TMEM200A: variants seen among roughly 807,000 people sequenced by gnomAD.
The protein encoded by TMEM200A is transmembrane protein 200A.
In TMEM200A, 12 loss-of-function variants were observed where a neutral mutation model predicts 24.3. That is an observed-to-expected ratio of 0.49 (90% CI 0.32 to 0.80). The LOEUF (loss-of-function observed/expected upper bound fraction) is 0.80, where lower values mean the gene tolerates loss of function less well. Ranked by LOEUF, TMEM200A falls within the 30% of genes least tolerant of loss-of-function variation. TMEM200A has a pLI of 0.04. For missense variants in TMEM200A, 545 were observed against 614.4 expected (o/e 0.89, Z 1.19); for synonymous variants, 224 against 224.4 (o/e 1.00, Z 0.02).
chr6:130,372,777 G>C (rs1034288175), intron 1 of TMEM200A, among the ~76,000 whole-genome samples: 4 of 152,178 alleles, frequency 2.6e-5, no homozygotes, highest in Non-Finnish European at 4.4e-5. Context: ...GTGTATGTAT[G>C]TACAACAAGA....
At chr6:130,425,440 C>A (rs558596103) in intron 2 of TMEM200A, among the ~76,000 whole-genome samples, 78 of 152,134 alleles carry the variant, frequency 5.1e-4, no homozygotes, top group African/African-American at 1.5e-3. Context: ...TACTTGATTT[C>A]ATTATCTTAT....
At chr6:130,402,376 C>T (rs1779110391) in intron 2 of TMEM200A, among the ~76,000 whole-genome samples, 1 of 152,004 alleles carries the variant, frequency 6.6e-6, no homozygotes, top group African/African-American at 2.4e-5. Context: ...GGTTGACACT[C>T]AGTAGATCTA....
At chr6:130,369,908 G>C (rs1271891203) in intron 1 of TMEM200A, among the ~76,000 whole-genome samples, 2 of 152,196 alleles carry the variant, frequency 1.3e-5, no homozygotes, top group Non-Finnish European at 2.9e-5. Context: ...CCACCCAACT[G>C]TGTGTTCACC....
At chr6:130,391,126 C>G (rs1022233791) in intron 2 of TMEM200A, among the ~76,000 whole-genome samples, 2 of 152,152 alleles carry the variant, frequency 1.3e-5, no homozygotes, top group Non-Finnish European at 2.9e-5. Context: ...TCTCACCAGA[C>G]TGCCAGCCCC....
rs897002389 is a variant in TMEM200A, at chr6:130,391,929, G to A, written c.-17+6693G>A. 5.3e-4 allele frequency among the ~76,000 whole-genome samples: 81 copies of A among 151,806 alleles called. 2 individuals are homozygous for A. The highest frequency in any genetic ancestry group is 1.3e-4 in the Non-Finnish European group (9 of 67,920). On this transcript the variant is annotated intron_variant, in intron 2 of 2. Transcript: ENST00000296978. ...GGCTAATTTTTTGTATTTTTTAGTA[G>A]AGACAAAGTTTCACCGCGTTAGCCA...
At chr6:130,431,310 A>ATG (rs1779869291) in intron 2 of TMEM200A, among the ~76,000 whole-genome samples, 1 of 152,206 alleles carries the variant, frequency 6.6e-6, no homozygotes, top group Non-Finnish European at 1.5e-5. Context: ...AAGTTACTAT[A>ATG]TGTTTTCCAG....
intron 2 of TMEM200A, among the ~76,000 whole-genome samples, chr6:130,436,630 CCTTTTTTTTTTTTTTTTTTT>C (rs1242179605): frequency 0.06 from 3,992 of 66,772 alleles, 326 homozygotes; most frequent in African/African-American, 0.14. Context: ...TTTTCTTTAT[CCTTTTTTTTTTTTTTTTTTT>C]TTTTTTTTTT....
chr6:130,382,495 G>A (rs1227317416), intron 1 of TMEM200A, among the ~76,000 whole-genome samples: 1 of 152,178 alleles, frequency 6.6e-6, no homozygotes, highest in Admixed American at 6.5e-5. Flanking sequence ...TTTCTCAGGA[G>A]AGTTGGTTGC....
chr6:130,382,085 G>A (rs1413830165), intron 1 of TMEM200A: 2 of 498,312 alleles, frequency 4.0e-6, no homozygotes, highest in Non-Finnish European at 5.2e-6. Flanking sequence ...CCATTGCCAA[G>A]GATAATTTGA....
At chr6:130,370,436 A>G (rs1245652726) in intron 1 of TMEM200A, among the ~76,000 whole-genome samples, 2 of 152,100 alleles carry the variant, frequency 1.3e-5, no homozygotes, top group Non-Finnish European at 2.9e-5. Flanking sequence ...GGGCACTATG[A>G]TAGGCAGTTC....
intron 2 of TMEM200A, among the ~76,000 whole-genome samples, chr6:130,386,277 T>C (rs1313728270): frequency 6.6e-6 from 1 of 152,186 alleles, no homozygotes; most frequent in African/African-American, 2.4e-5. Context: ...ATGTTTTCTG[T>C]GTGCAGCACT....
chr6:130,391,271 T>C (rs944859788), intron 2 of TMEM200A, among the ~76,000 whole-genome samples: 2 of 152,230 alleles, frequency 1.3e-5, no homozygotes. Context: ...TGATTCATTA[T>C]ATGCAGTGGA....
intron 2 of TMEM200A, among the ~76,000 whole-genome samples, chr6:130,413,103 C>T (rs982075457): frequency 1.3e-5 from 2 of 152,148 alleles, no homozygotes; most frequent in Non-Finnish European, 2.9e-5. Flanking sequence ...TTCTCATTTA[C>T]CTTGCATCAT....
chr6:130,386,060 A>G (rs1273476989), intron 2 of TMEM200A, among the ~76,000 whole-genome samples: 1 of 152,150 alleles, frequency 6.6e-6, no homozygotes, highest in African/African-American at 2.4e-5. Flanking sequence ...TAGGTGTGTA[A>G]CTTGGTTTAT....
At chr6:130,371,139 G>A (rs1259372996) in intron 1 of TMEM200A, among the ~76,000 whole-genome samples, 11 of 152,148 alleles carry the variant, frequency 7.2e-5, no homozygotes, top group Non-Finnish European at 1.6e-4. Context: ...AAATAGGCCA[G>A]GAGGGAGTAG....
rs563892069 is a variant in TMEM200A at position 130,416,337 on chromosome 6, C to G, written c.-16-24070C>G. 5.0e-3 allele frequency among the ~76,000 whole-genome samples: 741 copies of G among 149,146 alleles called. 4 individuals are homozygous for G. Among genetic ancestry groups the G allele is most frequent in the African/African-American group, 0.012 (458 of 39,564 alleles). ...GATTTCTCTCTCTCTGTCTCTCTCT[C>G]TGTGTGTGTGTGTGTGTCTATACAT... On this transcript the variant is annotated intron_variant, in intron 2 of 2. Coordinates refer to ENST00000296978, the MANE Select transcript of TMEM200A (RefSeq NM_001258277.2).
rs1780176312 is a variant in TMEM200A at position 130,441,476 on chromosome 6, G to C, written c.1054G>C (p.Gly352Arg). Reference protein sequence around the residue: ...STVLPRNNSIGESLSSQYKSS... With the variant: ...STVLPRNNSIRESLSSQYKSS... ...AGTGCTACCAAGGAATAATTCCATT[G>C]GGGAGTCGTTGTCGAGTCAGTACAA... is the stretch of plus-strand genomic sequence containing the variant. The change falls in exon 3 of 3, where the codon GGG (glycine) becomes CGG (arginine). Residue 352 changes from glycine (G) to arginine (R), a missense_variant. Coordinates refer to ENST00000296978, the MANE Select transcript of TMEM200A (RefSeq NM_001258277.2). 6.2e-7 allele frequency: 1 copy of C among 1,613,920 alleles called. No individual in the cohort carries two copies. Among genetic ancestry groups the C allele is most frequent in the Admixed American group, 1.7e-5 (1 of 59,998 alleles).
At chr6:130,391,566 G>A (rs140953989) in intron 2 of TMEM200A, among the ~76,000 whole-genome samples, 58 of 151,882 alleles carry the variant, frequency 3.8e-4, no homozygotes, top group African/African-American at 1.4e-3. Flanking sequence ...ACAAATAACC[G>A]GAATATCCCC....
intron 2 of TMEM200A, among the ~76,000 whole-genome samples, chr6:130,405,165 A>T (rs997517986): frequency 5.0e-4 from 76 of 152,202 alleles, no homozygotes; most frequent in Non-Finnish European, 5.3e-4. Context: ...ATATGAATTT[A>T]AAAATTTTTT....
Sources: allele counts gnomAD v4.1 joint callset (sites outside exome capture counted in the v4.1 genomes callset), GRCh38; gene constraint gnomAD v4.1.1; transcripts MANE v1.5; gene names NCBI Gene and HGNC (gene_info 2026-07-23, HGNC 2026-07-21).